Variants in MBD6 observed in about 807,000 individuals in gnomAD.
MBD6 encodes the protein methyl-CpG binding domain protein 6.
In MBD6, 22 loss-of-function variants were observed where a neutral mutation model predicts 66.8. That is an observed-to-expected ratio of 0.33 (90% CI 0.24 to 0.47). The LOEUF is 0.47. MBD6 is among the 20% of genes least tolerant of loss of function. MBD6 has a pLI of 1.00. For missense variants in MBD6, 1,322 were observed against 1,286.9 expected, an observed-to-expected ratio of 1.03 and a Z score of -0.42; for synonymous variants, 540 against 534.6, an observed-to-expected ratio of 1.01 and a Z score of -0.14.
intron 7 of MBD6, 104 bp downstream of exon 7, chr12:57,527,331 C>A (rs752612927): frequency 1.2e-4 from 129 of 1,103,748 alleles, no homozygotes; most frequent in Non-Finnish European, 1.5e-4. Context: ...TTCCTTGGGG[C>A]CTTTGGGGAG....
At chr12:57,530,897 G>A (rs1253436275), downstream of MBD6, 4 of 863,728 alleles carry the variant, frequency 4.6e-6, no homozygotes, top group South Asian at 3.0e-5. Context: ...GGCCACAGAG[G>A]GGGGATGTTT....
rs1879195862 is a variant in MBD6, at chr12:57,528,246, C to T, written c.2506C>T (p.Pro836Ser). 6.2e-7 allele frequency: 1 copy of T among 1,608,010 alleles called. No individual in the cohort carries two copies. Among genetic ancestry groups the T allele is most frequent in the Admixed American group, 1.7e-5 (1 of 59,274 alleles). The change falls in exon 10 of 13, where the codon CCA (proline) becomes TCA (serine). Residue 836 changes from proline to serine, a missense_variant. Physicochemically the swap from Pro to Ser is moderately conservative, Grantham distance 74 (BLOSUM62 -1). Transcript: ENST00000355673. ...PARPPLSALA[P>S]PHGSPDPPVP... ...CAGGCCTCCCCTCAGTGCCTTAGCCCCACCCCATGGTTCTCCCGACCCCCC... is the reference window on the plus strand; with the variant it reads ...CAGGCCTCCCCTCAGTGCCTTAGCCTCACCCCATGGTTCTCCCGACCCCCC...
intron 5 of MBD6, 24 bp from the exon 6 acceptor site, chr12:57,525,324 C>A: frequency 6.4e-7 from 1 of 1,555,064 alleles, no homozygotes; most frequent in Non-Finnish European, 8.6e-7. Flanking sequence ...CACAGGCTGA[C>A]CCTTCATTTT....
Position 57,526,276 on chromosome 12 carries a change from T to C in MBD6, c.1308T>C (p.Asp436=). 6.2e-7 allele frequency: 1 copy of C among 1,613,576 alleles called. No homozygotes were observed. Among genetic ancestry groups the C allele is most frequent in the Non-Finnish European group, 8.5e-7 (1 of 1,179,882 alleles). ...GAAGCTTTAACCTTTTGGGGTCAGA[T>C]GCACACCTTCCTCCTCCCCCAACCC... is the stretch of plus-strand genomic sequence containing the variant. The part of the protein sequence containing the change: ...SDGSFNLLGS[D]AHLPPPPTLS... Residue 436 remains aspartate, a synonymous_variant, in exon 6 of 13, where the codon GAT becomes GAC. Transcript: ENST00000355673.
rs1263540200 is a variant in MBD6 at position 57,526,877 on chromosome 12, C to A, written c.1732C>A (p.Pro578Thr). The A allele has an allele frequency of 1.2e-6, 2 of 1,613,256 alleles. No individual in the cohort carries two copies. The highest frequency in any genetic ancestry group is 1.7e-6 in the Non-Finnish European group (2 of 1,179,806). Reference sequence around the variant, plus strand: ...ACAACCTCCCCCTGAGCCCCTGCTACCCCCACCAGGAGGACCTGGTCCTCC... The same window carrying A: ...ACAACCTCCCCCTGAGCCCCTGCTAACCCCACCAGGAGGACCTGGTCCTCC... ...GGQPPPEPLL[P>T]PPGGPGPPLA... is the part of the protein sequence containing the mutation. Residue 578 changes from proline (P) to threonine (T), a missense_variant, in exon 7 of 13, where the codon CCC becomes ACC. Transcript: ENST00000355673.
At chr12:57,530,523 A>T, downstream of MBD6, 1 of 582,954 alleles carries the variant, frequency 1.7e-6, no homozygotes, top group Non-Finnish European at 3.0e-6. Context: ...ACCACTCTGT[A>T]TTCATCAGGG....
Position 57,526,533 on chromosome 12 carries a change from TC to T in MBD6, c.1421-30del, listed in dbSNP as rs765139803. Reference sequence around the variant, plus strand: ...TCTTTGGATGATGGGAGAAAGGGCCTCCCTTGAGCTGAATTTCTCTCCTCTT... The same window carrying T: ...TCTTTGGATGATGGGAGAAAGGGCCTCCTTGAGCTGAATTTCTCTCCTCTT... On this transcript the variant is annotated intron_variant, in intron 6 of 12. Transcript: ENST00000355673. 8 of 1,512,176 alleles carry T rather than the reference TC, an allele frequency of 5.3e-6. No individual in the cohort carries two copies. In the South Asian group the frequency reaches 8.1e-5, roughly 15 times the overall value. The allele number at this position is 1,512,176 out of a possible 1,614,324, so 93.7% of individuals were successfully genotyped here.
intron 12 of MBD6, 74 bp from the exon 13 acceptor site, chr12:57,529,086 G>C: frequency 1.9e-6 from 3 of 1,613,134 alleles, no homozygotes; most frequent in East Asian, 2.2e-5. Flanking sequence ...GAGGGTTAGA[G>C]GGAGTGGGGA....
upstream of MBD6, chr12:57,521,808 G>C (rs1399198084): frequency 6.6e-6 from 1 of 152,282 alleles, no homozygotes; most frequent in African/African-American, 2.4e-5. Flanking sequence ...TTCGGGTCGA[G>C]ATTTACAGCG....
At chr12:57,524,233 G>T in intron 2 of MBD6, 47 bp from the exon 3 acceptor site, 3 of 1,207,846 alleles carry the variant, frequency 2.5e-6, no homozygotes, top group East Asian at 2.4e-5. Flanking sequence ...CAGGTACTTC[G>T]CTCAGTTTAA....
rs1257905676 is a variant in MBD6 at position 57,524,985 on chromosome 12, C to G, written c.249C>G (p.Thr83=). 1 of 1,607,146 alleles carries G rather than the reference C, an allele frequency of 6.2e-7. No individual in the cohort carries two copies. Among genetic ancestry groups the G allele is most frequent in the Non-Finnish European group, 8.5e-7 (1 of 1,176,022 alleles). Reference sequence around the variant, plus strand: ...ACTTTGACCCTTTGGCCCCGGTGACCCCGGGTGGGGCTGGGGTGGGGCCAG... The same window carrying G: ...ACTTTGACCCTTTGGCCCCGGTGACGCCGGGTGGGGCTGGGGTGGGGCCAG... ...VFNFDPLAPV[T]PGGAGVGPAS... Residue 83 remains threonine (T), a synonymous_variant, in exon 5 of 13, where the codon ACC becomes ACG. Coordinates refer to ENST00000355673, the MANE Select transcript of MBD6 (RefSeq NM_052897.4).
Position 57,527,523 on chromosome 12 carries a change from C to A in MBD6, c.2099C>A (p.Ala700Asp). 6.2e-7 allele frequency: 1 copy of A among 1,614,030 alleles called. No individual in the cohort carries two copies. The highest frequency in any genetic ancestry group is 8.5e-7 in the Non-Finnish European group (1 of 1,179,998). ...TTTTCTTAGCCCTGTGTCCTGAGTG[C>A]CCCCCAACCTGGACCACCTACCTCC... ...GTPPQPCVLS[A>D]PQPGPPTSSV... Residue 700 changes from alanine (A) to aspartate (D), a missense_variant, in exon 8 of 13, where the codon GCC (alanine) becomes GAC (aspartate). By Grantham distance (126) the Ala-to-Asp change is moderately radical (BLOSUM62 -2). Coordinates refer to ENST00000355673, the MANE Select transcript of MBD6 (RefSeq NM_052897.4).
In MBD6 at chr12:57,528,295, G is replaced by A. The variant is rs780908400; in HGVS notation, c.2555G>A (p.Arg852Lys). 1.2e-5 allele frequency: 19 copies of A among 1,606,094 alleles called. No homozygotes were observed. The highest frequency in any genetic ancestry group is 1.5e-5 in the Non-Finnish European group (18 of 1,175,846). Reference protein sequence around the residue: ...DPPVPELLTGRGSGKRGRRGG... With the variant: ...DPPVPELLTGKGSGKRGRRGG... Reference sequence around the variant, plus strand: ...CCAGTCCCTGAGCTGCTCACTGGGAGGGGGTCAGGGAAACGGGGCCGGAGG... The same window carrying A: ...CCAGTCCCTGAGCTGCTCACTGGGAAGGGGTCAGGGAAACGGGGCCGGAGG... The change falls in exon 10 of 13, where the codon AGG (arginine) becomes AAG (lysine). Residue 852 changes from arginine to lysine, a missense_variant. Transcript: ENST00000355673.
At chr12:57,521,548 G>GT (rs1878341766), upstream of MBD6, 1 of 152,218 alleles carries the variant, frequency 6.6e-6, no homozygotes, top group African/African-American at 2.4e-5. Context: ...AGGGGCCGAG[G>GT]TACTGGAATC....
chr12:57,527,119 C>T lies in MBD6; in HGVS notation c.1974C>T (p.Asp658=), dbSNP rs1358234059. The change falls in exon 7 of 13, where the codon GAC becomes GAT. Residue 658 remains aspartate (D), a synonymous_variant. Coordinates refer to ENST00000355673, the MANE Select transcript of MBD6 (RefSeq NM_052897.4). Reference sequence around the variant, plus strand: ...GGGAGCCATTTTCAGGCTTGGGAGACCTGTCCCCCCTACTTTTCCCCCCAC... The same window carrying T: ...GGGAGCCATTTTCAGGCTTGGGAGATCTGTCCCCCCTACTTTTCCCCCCAC... ...PSGEPFSGLG[D]LSPLLFPPLS... 1 of 1,575,424 alleles carries T rather than the reference C, an allele frequency of 6.3e-7. No individual in the cohort carries two copies. The highest frequency in any genetic ancestry group is 8.6e-7 in the Non-Finnish European group (1 of 1,159,374).
At position 57,525,914 on chromosome 12, in the gene MBD6, C is replaced by A; in HGVS notation, c.946C>A (p.Pro316Thr). 6.2e-7 allele frequency: 1 copy of A among 1,612,368 alleles called. No individual in the cohort carries two copies. The highest frequency in any genetic ancestry group is 8.5e-7 in the Non-Finnish European group (1 of 1,178,966). Residue 316 changes from proline (P) to threonine (T), a missense_variant, in exon 6 of 13, where the codon CCC (proline) becomes ACC (threonine). Coordinates refer to ENST00000355673, the MANE Select transcript of MBD6 (RefSeq NM_052897.4). ...GAPTVEGPGAPPFLASSLLSA... is the reference protein window; with the variant it reads ...GAPTVEGPGATPFLASSLLSA... The stretch of plus-strand genomic sequence containing the variant: ...CCCCACGGTGGAGGGGCCTGGGGCA[C>A]CCCCCTTCCTTGCTAGCAGCCTACT...
At position 57,528,569 on chromosome 12, in the gene MBD6, A is replaced by C; in HGVS notation, c.2820+9A>C. On this transcript the variant is annotated intron_variant, in intron 10 of 12. Coordinates refer to ENST00000355673, the MANE Select transcript of MBD6 (RefSeq NM_052897.4). Reference sequence around the variant, plus strand: ...ATTCTGAGGACCTTAAGGTGAGTGCAGAGTGCTGGTAGTCTGGGCTCAGGG... The same window carrying C: ...ATTCTGAGGACCTTAAGGTGAGTGCCGAGTGCTGGTAGTCTGGGCTCAGGG... 1 of 1,611,026 alleles carries C rather than the reference A, an allele frequency of 6.2e-7. No individual in the cohort carries two copies. Among genetic ancestry groups the C allele is most frequent in the Non-Finnish European group, 8.5e-7 (1 of 1,178,252 alleles).
chr12:57,529,434 C>G lies in MBD6; in HGVS notation c.*200C>G. On this transcript the variant is annotated 3_prime_UTR_variant, in exon 13 of 13. Coordinates refer to ENST00000355673, the MANE Select transcript of MBD6 (RefSeq NM_052897.4). Reference sequence around the variant, plus strand: ...GGGAAGTTCACCCCCCCCCACCACCCCCCCGCCCCCCCGAAGCCATGTCAC... The same window carrying G: ...GGGAAGTTCACCCCCCCCCACCACCGCCCCGCCCCCCCGAAGCCATGTCAC... 3.7e-6 allele frequency: 2 copies of G among 544,240 alleles called. No individual in the cohort carries two copies. The highest frequency in any genetic ancestry group is 4.4e-5 in the South Asian group (2 of 44,986). 33.7% of individuals were successfully genotyped at this position (544,240 alleles called of 1,614,324 possible).
chr12:57,525,718 C>G lies in MBD6; in HGVS notation c.750C>G (p.Ala250=). 6.2e-7 allele frequency: 1 copy of G among 1,614,024 alleles called. No individual in the cohort carries two copies. The highest frequency in any genetic ancestry group is 8.5e-7 in the Non-Finnish European group (1 of 1,179,986). ...SDLGSPPAPH[A]SSSPPSDPPL... is the part of the protein sequence containing the mutation. The stretch of plus-strand genomic sequence containing the variant: ...TGGGCTCTCCTCCGGCCCCTCATGC[C>G]TCCTCCTCACCACCTTCAGACCCTC... The change falls in exon 6 of 13, where the codon GCC becomes GCG. Residue 250 remains alanine, a synonymous_variant. Coordinates refer to ENST00000355673, the MANE Select transcript of MBD6 (RefSeq NM_052897.4).
Sources: allele counts gnomAD v4.1 joint callset, GRCh38; gene constraint gnomAD v4.1.1; transcripts MANE v1.5; gene names NCBI Gene and HGNC (gene_info 2026-07-23, HGNC 2026-07-21).